Variants in COL18A1 observed in about 807,000 individuals in gnomAD.
COL18A1 encodes collagen alpha-1(XVIII) chain.
A neutral mutation model predicts 168.0 loss-of-function variants in COL18A1; 133 were observed. The observed-to-expected ratio is 0.79, with a 90% CI of 0.69 to 0.91. COL18A1 has a LOEUF of 0.91. COL18A1 is among the 40% of genes least tolerant of loss of function. The pLI, the probability that COL18A1 is intolerant of heterozygous loss-of-function variation, is 0.00. For synonymous variants in COL18A1, 949 were observed against 809.0 expected, an observed-to-expected ratio of 1.17 and a Z score of -2.94; for missense variants, 2,126 against 1,925.4, an observed-to-expected ratio of 1.10 and a Z score of -1.95.
chr21:45,475,604 ACACATGTGCACACGCAGGTGTGGCT>A (rs2035618958), intron 5 of COL18A1, 69 bp downstream of exon 5: 3 of 1,288,404 alleles, frequency 2.3e-6, no homozygotes. Flanking sequence ...CAGTGGGGTG[ACACATGTGCACACGCAGGTGTGGCT>A]CCAAGAGCTC....
intron 39 of COL18A1, 121 bp from the exon 40 acceptor site, chr21:45,509,943 C>T (rs1364737907): frequency 1.7e-6 from 2 of 1,185,576 alleles, no homozygotes; most frequent in Non-Finnish European, 2.3e-6. Context: ...TTGCGCGCCT[C>T]CCGCTCAGCG....
Position 45,476,463 on chromosome 21 carries a change from C to T in COL18A1, c.911C>T (p.Thr304Met), listed in dbSNP as rs200230216. The T allele has an allele frequency of 2.4e-4, 393 of 1,610,852 alleles. No homozygotes were observed. Among genetic ancestry groups the T allele is most frequent in the Non-Finnish European group, 3.2e-4 (375 of 1,178,648 alleles). The change falls in exon 6 of 42, where the codon ACG becomes ATG. Residue 304 changes from threonine to methionine, a missense_variant. Physicochemically the swap from Thr to Met is moderately conservative, Grantham distance 81. Coordinates refer to ENST00000651438, the MANE Select transcript of COL18A1 (RefSeq NM_001379500.1). Reference protein sequence around the residue: ...SRSEEVEEQTTVASLGAQTLP... With the variant: ...SRSEEVEEQTMVASLGAQTLP... ...AGTGAAGAAGTCGAGGAGCAGACCA[C>T]GGTGGCTTCGTTAGGAGGTAAGCTC...
intron 2 of COL18A1, among the ~76,000 whole-genome samples, chr21:45,414,830 A>G (rs779040101): frequency 1.9e-4 from 29 of 152,216 alleles, no homozygotes; most frequent in Non-Finnish European, 1.6e-4. Context: ...GGGACCCGTG[A>G]GTATGGCCTG....
At chr21:45,504,116 G>A in intron 33 of COL18A1, 62 bp downstream of exon 33, 1 of 1,567,726 alleles carries the variant, frequency 6.4e-7, no homozygotes, top group Admixed American at 1.7e-5. Flanking sequence ...CTGGGTGGCT[G>A]CTCCCAATTT....
chr21:45,511,304 T>A (rs2037595155), intron 41 of COL18A1, 78 bp downstream of exon 41: 1 of 759,538 alleles, frequency 1.3e-6, no homozygotes. Context: ...TATCTGCAGT[T>A]TCCCCCCGAG....
chr21:45,462,889 G>A (rs146051424), intron 2 of COL18A1, among the ~76,000 whole-genome samples: 9 of 152,184 alleles, frequency 5.9e-5, no homozygotes, highest in Admixed American at 2.0e-4. Context: ...ACCAGCGTTC[G>A]CTTTTTTTTG....
rs751655507 is a variant in COL18A1 at position 45,504,008 on chromosome 21, C to G, written c.2684-3C>G. 3 of 1,613,644 alleles carry G rather than the reference C, an allele frequency of 1.9e-6. No homozygotes were observed. In the South Asian group the frequency reaches 3.3e-5, roughly 18 times the overall value. ...CGAGACCCCGCCTGTCTCTCTCTTG[C>G]AGGGCAGTTTCCGTTTGACTTTCTT... On this transcript the variant is annotated splice_polypyrimidine_tract_variant and splice_region_variant and intron_variant, in intron 32 of 41. Transcript: ENST00000651438.
chr21:45,490,567 C>T (rs2036294538), intron 20 of COL18A1, among the ~76,000 whole-genome samples: 1 of 118,528 alleles, frequency 8.4e-6, no homozygotes, highest in Non-Finnish European at 1.8e-5. Flanking sequence ...TCTCCGTGTG[C>T]CCTCTCAGGT....
At chr21:45,462,729 G>A (rs993963927) in intron 2 of COL18A1, among the ~76,000 whole-genome samples, 1 of 152,118 alleles carries the variant, frequency 6.6e-6, no homozygotes, top group African/African-American at 2.4e-5. Flanking sequence ...TAGTAGATCT[G>A]CCATCAGGTC....
At chr21:45,439,843 C>G (rs539486115) in intron 2 of COL18A1, among the ~76,000 whole-genome samples, 27 of 152,372 alleles carry the variant, frequency 1.8e-4, no homozygotes, top group African/African-American at 6.5e-4. Flanking sequence ...TCAGTGCGAG[C>G]CTGTGAAGTC....
chr21:45,451,179 G>A (rs750045017), intron 2 of COL18A1, among the ~76,000 whole-genome samples: 3 of 152,228 alleles, frequency 2.0e-5, no homozygotes, highest in Admixed American at 6.5e-5. Flanking sequence ...AGCTTCCAAC[G>A]GGCATTTCTA....
At chr21:45,480,607 G>A (rs568939808) in intron 12 of COL18A1, 87 bp downstream of exon 12, 1 of 1,613,248 alleles carries the variant, frequency 6.2e-7, no homozygotes, top group East Asian at 2.2e-5. Flanking sequence ...CTGGGGTCCT[G>A]TGGGGGGTGG....
chr21:45,449,745 C>G (rs1362835176), intron 2 of COL18A1, among the ~76,000 whole-genome samples: 1 of 152,208 alleles, frequency 6.6e-6, no homozygotes, highest in Non-Finnish European at 1.5e-5. Flanking sequence ...GGCCCTCTCA[C>G]TGTGCGGCCA....
At chr21:45,432,849 C>T (rs760099956) in intron 2 of COL18A1, among the ~76,000 whole-genome samples, 6 of 152,202 alleles carry the variant, frequency 3.9e-5, no homozygotes, top group Non-Finnish European at 5.9e-5. Context: ...TCCCTCGGTA[C>T]AGCCGGGAGG....
At chr21:45,436,479 C>T (rs1449372036) in intron 2 of COL18A1, among the ~76,000 whole-genome samples, 1 of 152,178 alleles carries the variant, frequency 6.6e-6, no homozygotes, top group Non-Finnish European at 1.5e-5. Flanking sequence ...GATTCTACTT[C>T]CTGCTCTATC....
chr21:45,494,259 C>A, intron 26 of COL18A1: 1 of 493,248 alleles, frequency 2.0e-6, no homozygotes, highest in East Asian at 3.7e-5. Flanking sequence ...CCACCCTCCA[C>A]CCTCCACCCC....
chr21:45,409,017 G>T (rs2033207153), intron 2 of COL18A1, among the ~76,000 whole-genome samples: 1 of 59,290 alleles, frequency 1.7e-5, no homozygotes, highest in Non-Finnish European at 3.2e-5. Context: ...CAGGTGCAGA[G>T]GCTGGCAGGG....
At chr21:45,494,085 C>T (rs1474285729) in intron 26 of COL18A1, 1 of 297,552 alleles carries the variant, frequency 3.4e-6, no homozygotes, top group East Asian at 8.2e-5. Context: ...GGAGTGTGGG[C>T]CACCGGCTCT....
At chr21:45,488,553 T>C (rs2036194222) in intron 18 of COL18A1, 109 bp downstream of exon 18, 1 of 1,501,986 alleles carries the variant, frequency 6.7e-7, no homozygotes, top group Non-Finnish European at 9.2e-7. Flanking sequence ...ATGGCAGGAG[T>C]AGGATGAATT....
Sources: allele counts gnomAD v4.1 joint callset (sites outside exome capture counted in the v4.1 genomes callset), GRCh38; gene constraint gnomAD v4.1.1; transcripts MANE v1.5; gene names NCBI Gene and HGNC (gene_info 2026-07-23, HGNC 2026-07-21).